The following BMP2K variants were observed in gnomAD, a reference collection of about 807,000 sequenced individuals.
BMP2K encodes the protein BMP-2-inducible protein kinase.
In BMP2K, 74 loss-of-function variants were observed where a neutral mutation model predicts 116.0. The observed-to-expected ratio is 0.64, with a 90% CI of 0.53 to 0.77. BMP2K has a LOEUF of 0.77. Ranked by LOEUF, BMP2K falls within the 30% of genes least tolerant of loss-of-function variation. BMP2K has a pLI of 0.00. For synonymous variants in BMP2K, 486 were observed against 502.5 expected (o/e 0.97, Z 0.44); for missense variants, 1,365 against 1,403.6 (o/e 0.97, Z 0.44).
chr4:78,869,965 T>C (rs10025599), intron 10 of BMP2K, among the ~76,000 whole-genome samples: 70,515 of 152,026 alleles, frequency 0.46, 21,193 homozygotes, highest in African/African-American at 0.87. Context: ...CCTCCTTGCA[T>C]TCTCTCCCCA....
intron 1 of BMP2K, among the ~76,000 whole-genome samples, chr4:78,810,210 C>A (rs1454767502): frequency 6.6e-6 from 1 of 152,184 alleles, no homozygotes; most frequent in Non-Finnish European, 1.5e-5. Context: ...ATTCAATACT[C>A]CAATGCAGTT....
At chr4:78,885,629 C>G (rs946354244) in intron 14 of BMP2K, among the ~76,000 whole-genome samples, 1 of 152,160 alleles carries the variant, frequency 6.6e-6, no homozygotes, top group African/African-American at 2.4e-5. Context: ...TCAGTTGAAA[C>G]CAGTACAGCT....
intron 14 of BMP2K, among the ~76,000 whole-genome samples, chr4:78,884,628 CT>C (rs1446428869): frequency 8.5e-5 from 13 of 152,216 alleles, no homozygotes; most frequent in Admixed American, 8.5e-4. Context: ...CTCACCCCCT[CT>C]TTTCTCTGTC....
chr4:78,901,410 G>A (rs1733999942), intron 15 of BMP2K, among the ~76,000 whole-genome samples: 1 of 152,072 alleles, frequency 6.6e-6, no homozygotes, highest in Non-Finnish European at 1.5e-5. Context: ...CTGGCTACTT[G>A]ATAAGAAAAT....
chr4:78,778,090 A>C (rs1046300257), intron 1 of BMP2K, among the ~76,000 whole-genome samples: 1 of 152,256 alleles, frequency 6.6e-6, no homozygotes, highest in Non-Finnish European at 1.5e-5. Flanking sequence ...TTTTAAAAGC[A>C]CATGGCTCTT....
At chr4:78,904,549 C>T (rs777821168) in intron 15 of BMP2K, among the ~76,000 whole-genome samples, 7 of 151,850 alleles carry the variant, frequency 4.6e-5, no homozygotes, top group African/African-American at 1.4e-4. Flanking sequence ...TAATAAATTA[C>T]CCAGATCTGC....
Position 78,870,826 on chromosome 4 carries a change from G to A in BMP2K, c.1275G>A (p.Gln425=). 6.2e-7 allele frequency: 1 copy of A among 1,614,104 alleles called. No homozygotes were observed. The highest frequency in any genetic ancestry group is 8.5e-7 in the Non-Finnish European group (1 of 1,180,012). Residue 425 remains glutamine, a synonymous_variant, in exon 11 of 16, where the codon CAG becomes CAA. Transcript: ENST00000502613. ...ATGGCCCTGAAATTTTATTGGGTCAGGGACCTCCTCAGCAGCCGCCACAGC... is the reference window on the plus strand; with the variant it reads ...ATGGCCCTGAAATTTTATTGGGTCAAGGACCTCCTCAGCAGCCGCCACAGC... ...PGNGPEILLG[Q]GPPQQPPQQH... is the part of the protein sequence containing the mutation.
intron 15 of BMP2K, among the ~76,000 whole-genome samples, chr4:78,908,560 C>G (rs78616244): frequency 0.028 from 4,339 of 152,246 alleles, 231 homozygotes; most frequent in African/African-American, 0.099. Flanking sequence ...GTGGCTCTCT[C>G]TGCATACCAA....
intron 1 of BMP2K, among the ~76,000 whole-genome samples, chr4:78,807,022 G>A (rs899458197): frequency 2.6e-5 from 4 of 151,538 alleles, no homozygotes; most frequent in African/African-American, 7.3e-5. Flanking sequence ...GCTAATTTTC[G>A]TATTTTTTTA....
At chr4:78,907,991 G>A (rs77457362) in intron 15 of BMP2K, among the ~76,000 whole-genome samples, 4,350 of 152,018 alleles carry the variant, frequency 0.029, 234 homozygotes, top group African/African-American at 0.1. Context: ...CCCATATTTT[G>A]CTTTTGAATA....
At chr4:78,847,104 G>T in intron 5 of BMP2K, 84 bp from the exon 6 acceptor site, 2 of 760,256 alleles carry the variant, frequency 2.6e-6, no homozygotes, top group Admixed American at 4.1e-5. Flanking sequence ...TTTTTGTAGT[G>T]TTTTATGTAG....
intron 13 of BMP2K, among the ~76,000 whole-genome samples, chr4:78,874,998 T>C (rs1732565054): frequency 6.6e-6 from 1 of 152,194 alleles, no homozygotes; most frequent in South Asian, 2.1e-4. Context: ...ATAAGACTTG[T>C]TTTACTCCAC....
chr4:78,854,944 T>G (rs1013803487), intron 7 of BMP2K, among the ~76,000 whole-genome samples: 1 of 152,064 alleles, frequency 6.6e-6, no homozygotes, highest in Non-Finnish European at 1.5e-5. Context: ...AAATAGCTAC[T>G]TAAAAGTACC....
At chr4:78,808,863 T>G (rs1158709668) in intron 1 of BMP2K, among the ~76,000 whole-genome samples, 1 of 152,232 alleles carries the variant, frequency 6.6e-6, no homozygotes, top group African/African-American at 2.4e-5. Flanking sequence ...GAGGCCAGTT[T>G]TATGTTCTAA....
At chr4:78,904,885 A>G (rs768724773) in intron 15 of BMP2K, among the ~76,000 whole-genome samples, 3 of 151,912 alleles carry the variant, frequency 2.0e-5, no homozygotes, top group Non-Finnish European at 4.4e-5. Context: ...TGAAAATAAG[A>G]TAGTTATAAT....
At chr4:78,860,024 T>G in intron 8 of BMP2K, 1 of 515,268 alleles carries the variant, frequency 1.9e-6, no homozygotes, top group Non-Finnish European at 3.8e-6. Flanking sequence ...AGTTTTTTTT[T>G]TTTTTTCTTA....
intron 1 of BMP2K, among the ~76,000 whole-genome samples, chr4:78,792,602 A>G (rs895092073): frequency 2.0e-5 from 3 of 152,224 alleles, no homozygotes. Flanking sequence ...TTGTGAGCTT[A>G]CAGTTCCCTA....
intron 1 of BMP2K, among the ~76,000 whole-genome samples, chr4:78,795,390 A>G (rs1728205847): frequency 6.6e-6 from 1 of 152,202 alleles, no homozygotes; most frequent in Non-Finnish European, 1.5e-5. Context: ...GGGAACATTG[A>G]AGGCGATCTG....
intron 15 of BMP2K, among the ~76,000 whole-genome samples, chr4:78,904,761 G>A (rs745796622): frequency 2.6e-5 from 4 of 151,824 alleles, no homozygotes; most frequent in Non-Finnish European, 4.4e-5. Flanking sequence ...TTAAGTAGAC[G>A]TATACCTTCA....
Sources: allele counts gnomAD v4.1 joint callset (sites outside exome capture counted in the v4.1 genomes callset), GRCh38; gene constraint gnomAD v4.1.1; transcripts MANE v1.5; gene names NCBI Gene and HGNC (gene_info 2026-07-23, HGNC 2026-07-21).